CWC27: variants seen among roughly 807,000 people sequenced by gnomAD.
The protein encoded by CWC27 is spliceosome-associated protein CWC27 homolog.
CWC27 carries 47 observed loss-of-function variants against 63.6 expected under a neutral mutation model. That is an observed-to-expected ratio of 0.74 (90% confidence interval 0.58 to 0.94). The LOEUF is 0.94. CWC27 is among the 40% of genes least tolerant of loss of function. CWC27 has a pLI of 0.00. For missense variants in CWC27, 495 were observed against 554.3 expected (o/e 0.89, Z 1.07); for synonymous variants, 175 against 179.8 (o/e 0.97, Z 0.22).
chr5:64,899,436 A>C (rs1396367781), intron 11 of CWC27, among the ~76,000 whole-genome samples: 1 of 152,256 alleles, frequency 6.6e-6, no homozygotes, highest in Non-Finnish European at 1.5e-5. Context: ...CTTTTGCTTA[A>C]GTGAATAATC....
chr5:64,932,541 G>T (rs1446693802), intron 11 of CWC27, among the ~76,000 whole-genome samples: 1 of 152,072 alleles, frequency 6.6e-6, no homozygotes, highest in Non-Finnish European at 1.5e-5. Flanking sequence ...ACTTGACATT[G>T]TTTAGAAGAA....
intron 11 of CWC27, among the ~76,000 whole-genome samples, chr5:64,936,476 T>G (rs901045229): frequency 6.6e-6 from 1 of 152,212 alleles, no homozygotes; most frequent in Admixed American, 6.5e-5. Context: ...GATAAGCTTT[T>G]TGATGTGCTG....
At chr5:64,961,084 G>A (rs1748900457) in intron 11 of CWC27, among the ~76,000 whole-genome samples, 1 of 152,184 alleles carries the variant, frequency 6.6e-6, no homozygotes, top group Admixed American at 6.5e-5. Context: ...CCAATGAAGA[G>A]ACTCAAGTGG....
intron 13 of CWC27, among the ~76,000 whole-genome samples, chr5:64,996,567 G>T (rs1749636295): frequency 6.6e-6 from 1 of 151,104 alleles, no homozygotes; most frequent in Admixed American, 6.6e-5. Context: ...CTGGGGAAAA[G>T]TCTAGTGCCC....
At chr5:64,818,105 A>G (rs1410601527) in intron 10 of CWC27, among the ~76,000 whole-genome samples, 1 of 152,060 alleles carries the variant, frequency 6.6e-6, no homozygotes, top group African/African-American at 2.4e-5. Context: ...AAATTATATG[A>G]TAATTGGTGG....
chr5:64,885,658 A>AT (rs1352863617), intron 11 of CWC27, 112 bp downstream of exon 11: 6 of 612,478 alleles, frequency 9.8e-6, no homozygotes, highest in Non-Finnish European at 1.6e-5. Flanking sequence ...TTTCCTTCTC[A>AT]TTTTTTCTTC....
chr5:64,996,912 A>G (rs971212919), intron 13 of CWC27, among the ~76,000 whole-genome samples: 7 of 151,914 alleles, frequency 4.6e-5, no homozygotes, highest in African/African-American at 9.7e-5. Context: ...TATTTTTCCT[A>G]TTTTCAGATA....
rs762125859 is a variant in CWC27, at chr5:64,783,955, C to G, written c.372C>G (p.Asn124Lys). 4 of 1,592,520 alleles carry G rather than the reference C, an allele frequency of 2.5e-6. No individual in the cohort carries two copies. In the African/African-American group the frequency reaches 5.4e-5, roughly 22 times the overall value. ...CACTGGGTCGAGCAGATGAACTTAA[C>G]AATAAGCATACCATCTTTGGAAAGG... ...FFTLGRADEL[N>K]NKHTIFGKVT... The change falls in exon 4 of 14, where the codon AAC becomes AAG. Residue 124 changes from asparagine (N) to lysine (K), a missense_variant. Transcript: ENST00000381070.
rs1424087612 is a variant in CWC27, at chr5:64,785,569, A to G, written c.485A>G (p.Lys162Arg). ...DERPHNPHKI[K>R]SCEVLFNPFD... ...AGACCACATAATCCACACAAAATAA[A>G]AAGCTGTGAGGTAGGAGCATGATTA... Residue 162 changes from lysine (K) to arginine (R), a missense_variant, in exon 5 of 14, where the codon AAA (lysine) becomes AGA (arginine). By Grantham distance (26) the Lys-to-Arg change is conservative. This residue lies in a region of CWC27 where 463 missense variants were observed against 498.1 expected (regional missense o/e 0.93). Transcript: ENST00000381070. 2 of 1,591,304 alleles carry G rather than the reference A, an allele frequency of 1.3e-6. No individual in the cohort carries two copies. Among genetic ancestry groups the G allele is most frequent in the East Asian group, 4.6e-5 (2 of 43,826 alleles).
At chr5:64,987,137 A>T (rs1270291179) in intron 13 of CWC27, among the ~76,000 whole-genome samples, 3 of 151,938 alleles carry the variant, frequency 2.0e-5, no homozygotes, top group Non-Finnish European at 4.4e-5. Context: ...CAGGTTAGTT[A>T]CATATCAGTT....
intron 13 of CWC27, among the ~76,000 whole-genome samples, chr5:65,010,748 A>C (rs1162998593): frequency 3.3e-5 from 5 of 152,238 alleles, no homozygotes; most frequent in African/African-American, 7.2e-5. Flanking sequence ...CCATTTGAGA[A>C]AGATAAGTGT....
At chr5:64,964,586 G>T (rs1748978716) in intron 11 of CWC27, among the ~76,000 whole-genome samples, 1 of 152,134 alleles carries the variant, frequency 6.6e-6, no homozygotes, top group African/African-American at 2.4e-5. Context: ...ACACAAAGAA[G>T]CATTAAGTTG....
chr5:64,994,478 T>A (rs1749594223), intron 13 of CWC27, among the ~76,000 whole-genome samples: 1 of 152,208 alleles, frequency 6.6e-6, no homozygotes, highest in African/African-American at 2.4e-5. Context: ...GGTAGGCTTT[T>A]AAAAAAACTT....
intron 10 of CWC27, among the ~76,000 whole-genome samples, chr5:64,846,993 CAAA>C (rs35090437): frequency 4.6e-5 from 4 of 86,196 alleles, no homozygotes; most frequent in Admixed American, 2.7e-4. Flanking sequence ...GACTCCATCT[CAAA>C]AAAAAAAAAA....
In CWC27 at chr5:64,950,417, G is replaced by A. The variant is rs143406731; in HGVS notation, c.1043-21286G>A. Among the ~76,000 whole-genome samples, 877 of 151,702 alleles carry A rather than the reference G, an allele frequency of 5.8e-3. 5 individuals are homozygous for A. Among genetic ancestry groups the A allele is most frequent in the African/African-American group, 0.02 (839 of 41,438 alleles). The stretch of plus-strand genomic sequence containing the variant: ...ATTAATTCATTAAGTTGTTAATTCA[G>A]GAAACATTTGATGCTTGTTATACGT... On this transcript the variant is annotated intron_variant, in intron 11 of 13. Coordinates refer to ENST00000381070, the MANE Select transcript of CWC27 (RefSeq NM_005869.4).
At chr5:64,844,259 G>C (rs1745917398) in intron 10 of CWC27, among the ~76,000 whole-genome samples, 1 of 152,144 alleles carries the variant, frequency 6.6e-6, no homozygotes, top group African/African-American at 2.4e-5. Flanking sequence ...TAGACTGCCT[G>C]GAGTCGGGTA....
intron 13 of CWC27, among the ~76,000 whole-genome samples, chr5:64,986,071 C>T (rs1749419320): frequency 6.6e-6 from 1 of 152,024 alleles, no homozygotes; most frequent in Non-Finnish European, 1.5e-5. Flanking sequence ...GACATTTCTT[C>T]TGCTTGCATT....
intron 11 of CWC27, among the ~76,000 whole-genome samples, chr5:64,889,595 A>G (rs1443932811): frequency 6.6e-6 from 1 of 152,178 alleles, no homozygotes; most frequent in East Asian, 1.9e-4. Flanking sequence ...CTTTCTAATT[A>G]TGGCATAAAA....
At chr5:64,791,975 G>T (rs1389623884) in intron 7 of CWC27, among the ~76,000 whole-genome samples, 2 of 151,824 alleles carry the variant, frequency 1.3e-5, no homozygotes. Flanking sequence ...ATTATCTCTA[G>T]ACTGGACTGG....
Sources: gnomAD v4.1 joint callset for allele counts (sites outside exome capture counted in the v4.1 genomes callset) on GRCh38, gnomAD v4.1.1 for gene constraint, gnomAD v4.1.1 regional missense constraint, MANE v1.5 for transcripts, NCBI Gene and HGNC (gene_info 2026-07-23, HGNC 2026-07-21) for gene names.